Variants in CTNNA3 observed in about 807,000 individuals in gnomAD.
CTNNA3 encodes the protein catenin alpha-3.
In CTNNA3, 76 loss-of-function variants were observed where a neutral mutation model predicts 95.7. That is an observed-to-expected ratio of 0.79 (90% CI 0.66 to 0.96). CTNNA3 has a LOEUF of 0.96. Ranked by LOEUF, CTNNA3 falls within the 40% of genes least tolerant of loss-of-function variation. CTNNA3 has a pLI of 0.00. For synonymous variants in CTNNA3, 431 were observed against 374.4 expected (o/e 1.15, Z -1.74); for missense variants, 1,191 against 1,089.8 (o/e 1.09, Z -1.31).
chr10:65,978,307 C>T (rs901041235), intron 16 of CTNNA3, among the ~76,000 whole-genome samples: 1 of 152,220 alleles, frequency 6.6e-6, no homozygotes, highest in Non-Finnish European at 1.5e-5. Context: ...CAGTTCCTCC[C>T]TTATATCACC....
chr10:66,017,679 A>C (rs992365088), intron 15 of CTNNA3, among the ~76,000 whole-genome samples: 1 of 152,124 alleles, frequency 6.6e-6, no homozygotes, highest in Admixed American at 6.5e-5. Context: ...TTTAGGATGG[A>C]TCATCCTAAA....
chr10:67,433,923 C>A (rs1846212480), intron 5 of CTNNA3, among the ~76,000 whole-genome samples: 1 of 152,000 alleles, frequency 6.6e-6, no homozygotes, highest in Admixed American at 6.6e-5. Flanking sequence ...AAGTACTAGG[C>A]AGTCAGAACT....
At chr10:66,998,759 G>A (rs1271799268) in intron 7 of CTNNA3, among the ~76,000 whole-genome samples, 2 of 152,082 alleles carry the variant, frequency 1.3e-5, no homozygotes, top group Non-Finnish European at 2.9e-5. Context: ...AACAATAATG[G>A]GAGATTTCAA....
chr10:66,208,510 C>T (rs72797209), intron 13 of CTNNA3, among the ~76,000 whole-genome samples: 65 of 152,000 alleles, frequency 4.3e-4, no homozygotes, highest in East Asian at 1.9e-3. Flanking sequence ...ACACATATAT[C>T]GCCATGGGTG....
At chr10:66,159,243 A>G (rs962292087) in intron 13 of CTNNA3, among the ~76,000 whole-genome samples, 3 of 152,134 alleles carry the variant, frequency 2.0e-5, no homozygotes, top group African/African-American at 7.2e-5. Flanking sequence ...TCCAGGTCTC[A>G]GAGGGAATTC....
chr10:67,333,982 A>G (rs1198968541), intron 5 of CTNNA3: 3 of 152,208 alleles, frequency 2.0e-5, no homozygotes, highest in Non-Finnish European at 4.4e-5. Context: ...CATATGCAAT[A>G]TATTTTCCTT....
intron 10 of CTNNA3, among the ~76,000 whole-genome samples, chr10:66,578,264 T>G (rs11812295): frequency 0.29 from 43,630 of 151,678 alleles, 6,681 homozygotes; most frequent in Middle Eastern, 0.42. Context: ...CATGTTGTCT[T>G]CCAAGAGTGA....
At chr10:67,064,365 G>A (rs1276047464) in intron 7 of CTNNA3, among the ~76,000 whole-genome samples, 2 of 152,014 alleles carry the variant, frequency 1.3e-5, no homozygotes, top group Non-Finnish European at 2.9e-5. Flanking sequence ...AAAATATGCA[G>A]AGCATATTTA....
At chr10:67,369,531 G>A (rs999218129) in intron 5 of CTNNA3, among the ~76,000 whole-genome samples, 3 of 152,000 alleles carry the variant, frequency 2.0e-5, no homozygotes, top group Non-Finnish European at 2.9e-5. Flanking sequence ...TCTCCATGGC[G>A]AAAATACACC....
intron 3 of CTNNA3, among the ~76,000 whole-genome samples, chr10:67,584,136 G>C (rs1842530932): frequency 6.6e-6 from 1 of 152,220 alleles, no homozygotes; most frequent in African/African-American, 2.4e-5. Flanking sequence ...TGGAGGAAAA[G>C]AGGTGCTCTG....
intron 2 of CTNNA3, among the ~76,000 whole-genome samples, chr10:67,636,236 T>C (rs1240354830): frequency 1.3e-5 from 2 of 152,196 alleles, no homozygotes; most frequent in East Asian, 3.8e-4. Flanking sequence ...AGAATGGCCA[T>C]ACTGCCCAAA....
At chr10:67,164,724 G>T (rs191639302) in intron 7 of CTNNA3, among the ~76,000 whole-genome samples, 2 of 151,880 alleles carry the variant, frequency 1.3e-5, no homozygotes, top group Admixed American at 1.3e-4. Context: ...TAGAAAATAG[G>T]CAAAAAACAT....
At chr10:66,578,634 T>C (rs1465678492) in intron 10 of CTNNA3, among the ~76,000 whole-genome samples, 2 of 152,080 alleles carry the variant, frequency 1.3e-5, no homozygotes, top group East Asian at 1.9e-4. Flanking sequence ...GATTTGCCTA[T>C]GTTAAACCAA....
chr10:66,628,301 C>T (rs1270751548), intron 9 of CTNNA3, among the ~76,000 whole-genome samples: 2 of 151,968 alleles, frequency 1.3e-5, no homozygotes, highest in African/African-American at 2.4e-5. Flanking sequence ...TTAATTTGTT[C>T]GTTGGAAGCT....
At chr10:67,533,460 T>C (rs987789122) in intron 4 of CTNNA3, among the ~76,000 whole-genome samples, 14 of 152,136 alleles carry the variant, frequency 9.2e-5, no homozygotes, top group African/African-American at 3.1e-4. Flanking sequence ...CTATAAAAAA[T>C]TTATAAACAA....
intron 7 of CTNNA3, among the ~76,000 whole-genome samples, chr10:66,889,199 C>T (rs1156570491): frequency 1.3e-5 from 2 of 152,178 alleles, no homozygotes; most frequent in Non-Finnish European, 2.9e-5. Context: ...ATAAATACAT[C>T]CAGCAGATGC....
chr10:67,315,432 G>T (rs1256570787), intron 5 of CTNNA3, among the ~76,000 whole-genome samples: 1 of 152,044 alleles, frequency 6.6e-6, no homozygotes, highest in Non-Finnish European at 1.5e-5. Flanking sequence ...AACGGGGAGG[G>T]GGAACTAAGA....
At chr10:67,121,680 G>C (rs1337781288) in intron 7 of CTNNA3, among the ~76,000 whole-genome samples, 1 of 151,884 alleles carries the variant, frequency 6.6e-6, no homozygotes, top group East Asian at 1.9e-4. Context: ...GTGTTCAGAG[G>C]GTCAAGCAAG....
rs188396539 is a variant in CTNNA3 at position 66,406,837 on chromosome 10, A to T, written c.1532-27485T>A. ...TTATAAGAATATAGATAGTATAATG[A>T]TATAGATAATTTTTCCATGACTATT... On this transcript the variant is annotated intron_variant, in intron 11 of 17. Transcript: ENST00000433211. 2.1e-4 allele frequency among the ~76,000 whole-genome samples: 32 copies of T among 152,274 alleles called. 1 individual carries two copies. Among genetic ancestry groups the T allele is most frequent in the African/African-American group, 7.2e-4 (30 of 41,574 alleles).
Sources: allele counts gnomAD v4.1 joint callset (sites outside exome capture counted in the v4.1 genomes callset), GRCh38; gene constraint gnomAD v4.1.1; transcripts MANE v1.5; gene names NCBI Gene and HGNC (gene_info 2026-07-23, HGNC 2026-07-21).